Variants in CCNB1 observed in about 807,000 individuals in gnomAD.
CCNB1 encodes the protein G2/mitotic-specific cyclin-B1.
In CCNB1, 26 loss-of-function variants were observed where a neutral mutation model predicts 44.4. The observed-to-expected ratio is 0.59, with a 90% CI of 0.43 to 0.81. CCNB1 has a LOEUF of 0.81. CCNB1 is among the 40% of genes least tolerant of loss of function. The pLI, the probability that CCNB1 is intolerant of heterozygous loss-of-function variation, is 0.00. For synonymous variants in CCNB1, 195 were observed against 181.4 expected (o/e 1.08, Z -0.60); for missense variants, 477 against 520.9 (o/e 0.92, Z 0.82).
chr5:69,167,464 G>A (rs772897072), intron 1 of CCNB1, 181 bp downstream of exon 1: 3 of 610,534 alleles, frequency 4.9e-6, no homozygotes, highest in Non-Finnish European at 8.8e-6. Flanking sequence ...GAGTGTGGGG[G>A]ACGATGGATG....
chr5:69,171,412 A>G lies in CCNB1; in HGVS notation c.506A>G (p.Glu169Gly), dbSNP rs766479931. The G allele has an allele frequency of 6.2e-7, 1 of 1,610,874 alleles. No individual in the cohort carries two copies. The highest frequency in any genetic ancestry group is 8.5e-7 in the Non-Finnish European group (1 of 1,179,310). Residue 169 changes from glutamate (E) to glycine (G), a missense_variant, in exon 4 of 9, where the codon GAA becomes GGA. Glu to Gly is a moderately conservative substitution (Grantham distance 98). Coordinates refer to ENST00000256442, the MANE Select transcript of CCNB1 (RefSeq NM_031966.4). ...GGAGCTGATCCAAACCTTTGTAGTG[A>G]ATATGTGAAAGATATTTATGCTTAT... ...EDGADPNLCS[E>G]YVKDIYAYLR...
At chr5:69,167,427 G>C in intron 1 of CCNB1, 144 bp downstream of exon 1, 2 of 803,708 alleles carry the variant, frequency 2.5e-6, no homozygotes, top group South Asian at 3.0e-5. Flanking sequence ...CCAAGAGAGC[G>C]CCGAGGTGGG....
In CCNB1 at chr5:69,177,734, C is replaced by G. The variant is rs567773774; in HGVS notation, c.*103C>G. ...TTTACTTTTAATAAAGCTTGTGGCC[C>G]CTTTTACTTTTTTATAGCTTAACTA... is the stretch of plus-strand genomic sequence containing the variant. On this transcript the variant is annotated 3_prime_UTR_variant, in exon 9 of 9. Coordinates refer to ENST00000256442, the MANE Select transcript of CCNB1 (RefSeq NM_031966.4). 1.1e-5 allele frequency: 8 copies of G among 704,758 alleles called. No homozygotes were observed. The South Asian group carries it at 1.2e-4, about 10-fold the overall frequency. The allele number at this position is 704,758 out of a possible 1,614,324, so 43.7% of individuals were successfully genotyped here.
chr5:69,177,134 T>A, intron 7 of CCNB1, 105 bp from the exon 8 acceptor site: 2 of 637,380 alleles, frequency 3.1e-6, no homozygotes. Flanking sequence ...ATATTAATTA[T>A]ACAGTACCCA....
In CCNB1 at chr5:69,174,432, T is replaced by G. The variant is rs376598818; in HGVS notation, c.705+23T>G. 9.7e-5 allele frequency: 156 copies of G among 1,610,548 alleles called. 1 individual carries two copies. The highest frequency in any genetic ancestry group is 1.2e-4 in the Non-Finnish European group (146 of 1,177,988). On this transcript the variant is annotated intron_variant, in intron 5 of 8. Coordinates refer to ENST00000256442, the MANE Select transcript of CCNB1 (RefSeq NM_031966.4). ...CAGGTGAGCATTTCAGTAAGAGTTT[T>G]CCCTTCCAGGATTCTAGCCGAGTCA...
chr5:69,175,369 A>G (rs774294006), intron 6 of CCNB1, 28 bp from the exon 7 acceptor site: 1 of 1,602,964 alleles, frequency 6.2e-7, no homozygotes, highest in Non-Finnish European at 8.5e-7. Context: ...TTTCTGAAAG[A>G]AACTCAGTAA....
chr5:69,171,332 G>C lies in CCNB1; in HGVS notation c.426G>C (p.Leu142=). Residue 142 remains leucine, a synonymous_variant, in exon 4 of 9, where the codon CTG becomes CTC. Coordinates refer to ENST00000256442, the MANE Select transcript of CCNB1 (RefSeq NM_031966.4). ...TSGCAPAEED[L]CQAFSDVILA... is the part of the protein sequence containing the mutation. ...GATGTGCCCCTGCAGAAGAAGACCT[G>C]TGTCAGGCTTTCTCTGATGTAATTC... The C allele has an allele frequency of 6.2e-7, 1 of 1,614,102 alleles. No individual in the cohort carries two copies.
chr5:69,176,685 GA>G (rs1299802766), intron 7 of CCNB1, among the ~76,000 whole-genome samples: 2 of 151,398 alleles, frequency 1.3e-5, no homozygotes, highest in African/African-American at 4.8e-5. Flanking sequence ...TAGGTCTTAA[GA>G]ATAGAACTAT....
In CCNB1 at chr5:69,173,989, G is replaced by A. The variant is rs8192268; in HGVS notation, c.547-262G>A. On this transcript the variant is annotated intron_variant, in intron 4 of 8. Transcript: ENST00000256442. ...TTGCCATGTTGGCCAGGCTGGTCTC[G>A]AACTCCTGGCTGCAAGCAATCTGCC... 1.2e-3 allele frequency among the ~76,000 whole-genome samples: 182 copies of A among 152,166 alleles called. 1 individual carries two copies. The highest frequency in any genetic ancestry group is 0.01 in the Admixed American group (160 of 15,274).
chr5:69,176,482 G>A (rs1387945241), intron 7 of CCNB1, among the ~76,000 whole-genome samples: 5 of 150,894 alleles, frequency 3.3e-5, no homozygotes, highest in African/African-American at 4.9e-5. Context: ...TCAGCCTCCC[G>A]AGTAGCTGGG....
rs529932616 is a variant in CCNB1 at position 69,175,080 on chromosome 5, G to A, written c.909G>A (p.Leu303=). 1 of 1,613,924 alleles carries A rather than the reference G, an allele frequency of 6.2e-7. No individual in the cohort carries two copies. Among genetic ancestry groups the A allele is most frequent in the African/African-American group, 1.3e-5 (1 of 75,028 alleles). The change falls in exon 6 of 9, where the codon TTG becomes TTA. Residue 303 remains leucine (L), a synonymous_variant. Transcript: ENST00000256442. The part of the protein sequence containing the change: ...LNFGLGRPLP[L]HFLRRASKIG... Reference sequence around the variant, plus strand: ...TTGGTCTGGGTCGGCCTCTACCTTTGCACTTCCTTCGGAGAGCATCTAAGA... The same window carrying A: ...TTGGTCTGGGTCGGCCTCTACCTTTACACTTCCTTCGGAGAGCATCTAAGA...
chr5:69,171,142 T>G, intron 3 of CCNB1, 128 bp from the exon 4 acceptor site: 1 of 622,792 alleles, frequency 1.6e-6, no homozygotes, highest in Non-Finnish European at 2.7e-6. Context: ...TACTTTTCCT[T>G]TAAGGAAATG....
intron 7 of CCNB1, 78 bp downstream of exon 7, chr5:69,175,615 G>A: frequency 7.3e-7 from 1 of 1,361,512 alleles, no homozygotes. Flanking sequence ...TTATTAAAAG[G>A]CAATTCAAGT....
chr5:69,175,772 C>T (rs960757405), intron 7 of CCNB1, among the ~76,000 whole-genome samples: 3 of 151,926 alleles, frequency 2.0e-5, no homozygotes, highest in Admixed American at 1.3e-4. Context: ...CAACATCAGC[C>T]TCCAGAGTAG....
chr5:69,173,856 A>G (rs1245145365), intron 4 of CCNB1, among the ~76,000 whole-genome samples: 1 of 151,608 alleles, frequency 6.6e-6, no homozygotes, highest in Non-Finnish European at 1.5e-5. Context: ...TGCAACCTCC[A>G]CCTGCCAGGT....
At chr5:69,168,828 T>C (rs761687595) in intron 3 of CCNB1, among the ~76,000 whole-genome samples, 1 of 152,204 alleles carries the variant, frequency 6.6e-6, no homozygotes, top group Non-Finnish European at 1.5e-5. Context: ...AACATTGGAA[T>C]ATGCAAAGGA....
rs1042939384 is a variant in CCNB1 at position 69,171,184 on chromosome 5, T to G, written c.364-86T>G. The G allele has an allele frequency of 3.0e-5, 27 of 886,350 alleles. No individual in the cohort carries two copies. In the African/African-American group the frequency reaches 3.8e-4, roughly 13 times the overall value. The allele number at this position is 886,350 out of a possible 1,614,324, so 54.9% of individuals were successfully genotyped here. On this transcript the variant is annotated intron_variant, in intron 3 of 8. Coordinates refer to ENST00000256442, the MANE Select transcript of CCNB1 (RefSeq NM_031966.4). ...ATGCCGATTCAGCAGAATACTAGCTTGAGTTGGTACCAATAACCTGAACTT... is the reference window on the plus strand; with the variant it reads ...ATGCCGATTCAGCAGAATACTAGCTGGAGTTGGTACCAATAACCTGAACTT...
At chr5:69,176,676 A>G (rs1580214513) in intron 7 of CCNB1, among the ~76,000 whole-genome samples, 1 of 151,312 alleles carries the variant, frequency 6.6e-6, no homozygotes, top group Admixed American at 6.6e-5. Context: ...GGCCTACCCT[A>G]GGTCTTAAGA....
chr5:69,175,158 G>A (rs1426898799), intron 6 of CCNB1, 45 bp downstream of exon 6: 2 of 1,370,550 alleles, frequency 1.5e-6, no homozygotes, highest in Non-Finnish European at 1.0e-6. Context: ...ACATTAGGGG[G>A]AACACTGCTG....
Sources: gnomAD v4.1 joint callset for allele counts (sites outside exome capture counted in the v4.1 genomes callset) on GRCh38, gnomAD v4.1.1 for gene constraint, MANE v1.5 for transcripts, NCBI Gene and HGNC (gene_info 2026-07-23, HGNC 2026-07-21) for gene names.